FSHR: variants seen among roughly 807,000 people sequenced by gnomAD.
FSHR encodes follicle-stimulating hormone receptor.
In FSHR, 46 loss-of-function variants were observed where a neutral mutation model predicts 52.1. The ratio of observed to expected loss-of-function variants is 0.88; its 90% CI spans 0.70 to 1.13. FSHR has a LOEUF of 1.13. FSHR is among the 50% of genes most tolerant of loss of function. The pLI is 0.00. For synonymous variants in FSHR, 399 were observed against 309.6 expected (o/e 1.29, Z -3.03); for missense variants, 964 against 834.6 (o/e 1.16, Z -1.91).
intron 1 of FSHR, among the ~76,000 whole-genome samples, chr2:49,091,082 A>G (rs1670590550): frequency 6.6e-6 from 1 of 151,710 alleles, no homozygotes; most frequent in Non-Finnish European, 1.5e-5. Flanking sequence ...TTCTCTTGAT[A>G]GTAGCTTACA....
Position 48,968,853 on chromosome 2 carries a change from C to T in FSHR, c.699G>A (p.Leu233=). Residue 233 remains leucine, a synonymous_variant, in exon 9 of 10, where the codon CTG becomes CTA. Coordinates refer to ENST00000406846, the MANE Select transcript of FSHR (RefSeq NM_000145.4). ...LDISRTRIHS[L]PSYGLENLKK... ...TAAGATTTTCTAAGCCATAGCTAGG[C>T]AGGGAATGGATCCTTGTTCTTGAAA... 3 of 1,613,880 alleles carry T rather than the reference C, an allele frequency of 1.9e-6. No individual in the cohort carries two copies. Among genetic ancestry groups the T allele is most frequent in the Non-Finnish European group, 1.7e-6 (2 of 1,179,936 alleles).
intron 2 of FSHR, among the ~76,000 whole-genome samples, chr2:49,055,407 T>A (rs1031584033): frequency 4.6e-5 from 7 of 150,616 alleles, no homozygotes; most frequent in African/African-American, 1.5e-4. Flanking sequence ...AAATAAATAT[T>A]CATATTATAG....
chr2:49,104,153 G>A (rs17772297), intron 1 of FSHR, among the ~76,000 whole-genome samples: 33,907 of 151,990 alleles, frequency 0.22, 3,797 homozygotes, highest in East Asian at 0.29. Flanking sequence ...TAATCTTTGC[G>A]AAATGCTGAC....
intron 8 of FSHR, among the ~76,000 whole-genome samples, chr2:48,982,278 C>G (rs1200701872): frequency 2.0e-5 from 3 of 151,976 alleles, no homozygotes; most frequent in South Asian, 4.2e-4. Flanking sequence ...GGGAAAGTCA[C>G]TTTTGGAGGG....
intron 1 of FSHR, among the ~76,000 whole-genome samples, chr2:49,093,243 T>C (rs57406212): frequency 0.054 from 8,148 of 152,292 alleles, 520 homozygotes; most frequent in East Asian, 0.24. Flanking sequence ...TTCTTCTGTA[T>C]CCTTACTGAC....
intron 1 of FSHR, among the ~76,000 whole-genome samples, chr2:49,123,676 G>T (rs1379152784): frequency 6.6e-6 from 1 of 151,986 alleles, no homozygotes; most frequent in Non-Finnish European, 1.5e-5. Flanking sequence ...TAAAATAAAA[G>T]GAATCATGCC....
intron 1 of FSHR, among the ~76,000 whole-genome samples, chr2:49,144,846 C>G (rs952322843): frequency 5.3e-5 from 8 of 152,068 alleles, no homozygotes; most frequent in South Asian, 4.1e-4. Context: ...ATTTGTTTTT[C>G]TACCCTAAAG....
chr2:49,011,460 G>A (rs560922233), intron 4 of FSHR, among the ~76,000 whole-genome samples: 2 of 152,192 alleles, frequency 1.3e-5, no homozygotes, highest in Admixed American at 6.5e-5. Context: ...TATGTGGTCA[G>A]TTTTGGAATA....
At chr2:49,050,314 G>A (rs1266754039) in intron 2 of FSHR, among the ~76,000 whole-genome samples, 1 of 152,160 alleles carries the variant, frequency 6.6e-6, no homozygotes, top group African/African-American at 2.4e-5. Context: ...CCAGAAATGA[G>A]TTTGCAAGCT....
intron 4 of FSHR, among the ~76,000 whole-genome samples, chr2:49,014,446 C>T (rs1171841416): frequency 2.0e-5 from 3 of 152,014 alleles, no homozygotes; most frequent in Non-Finnish European, 2.9e-5. Flanking sequence ...CAGCCTTTTT[C>T]AGAGGCAAAG....
At chr2:49,127,094 G>C (rs10184020) in intron 1 of FSHR, among the ~76,000 whole-genome samples, 4 of 152,006 alleles carry the variant, frequency 2.6e-5, no homozygotes, top group Admixed American at 6.5e-5. Context: ...TTGGGAGACC[G>C]AGGCTGGTGG....
At chr2:49,149,546 A>G (rs1672986764) in intron 1 of FSHR, among the ~76,000 whole-genome samples, 1 of 152,034 alleles carries the variant, frequency 6.6e-6, no homozygotes, top group Non-Finnish European at 1.5e-5. Flanking sequence ...ACTCTTAGAA[A>G]AGTGGCTCAG....
At position 49,017,572 on chromosome 2, in the gene FSHR, G is replaced by T. The variant is rs543592760; in HGVS notation, c.300-9C>A. The stretch of plus-strand genomic sequence containing the variant: ...TGGCCTTTTCAATTCTACTGTAAAA[G>T]AAGAAAAAACATGCTAGTGATCTTG... On this transcript the variant is annotated splice_polypyrimidine_tract_variant and intron_variant, in intron 3 of 9. Coordinates refer to ENST00000406846, the MANE Select transcript of FSHR (RefSeq NM_000145.4). 3.1e-6 allele frequency: 5 copies of T among 1,607,130 alleles called. No individual in the cohort carries two copies. Among genetic ancestry groups the T allele is most frequent in the African/African-American group, 2.7e-5 (2 of 74,786 alleles).
chr2:48,979,023 A>C (rs137863391), intron 8 of FSHR, among the ~76,000 whole-genome samples: 1 of 152,162 alleles, frequency 6.6e-6, no homozygotes, highest in African/African-American at 2.4e-5. Flanking sequence ...AAGGCTTCCC[A>C]ATTCCCAATA....
intron 6 of FSHR, among the ~76,000 whole-genome samples, chr2:48,983,858 G>A (rs1015568677): frequency 1.1e-4 from 16 of 152,096 alleles, no homozygotes; most frequent in Admixed American, 2.6e-4. Context: ...GTGTAGAACA[G>A]CCATCCTGAT....
intron 1 of FSHR, among the ~76,000 whole-genome samples, chr2:49,117,411 T>C (rs1248842235): frequency 6.6e-6 from 1 of 152,200 alleles, no homozygotes; most frequent in East Asian, 1.9e-4. Context: ...AATAATAGTG[T>C]ACTGATGAAA....
chr2:49,137,040 G>A (rs777318294), intron 1 of FSHR, among the ~76,000 whole-genome samples: 5 of 151,928 alleles, frequency 3.3e-5, no homozygotes, highest in Non-Finnish European at 5.9e-5. Context: ...AGTAATAAAA[G>A]GCATACAGAC....
At chr2:49,119,850 G>C (rs1671745414) in intron 1 of FSHR, among the ~76,000 whole-genome samples, 1 of 152,220 alleles carries the variant, frequency 6.6e-6, no homozygotes, top group African/African-American at 2.4e-5. Context: ...ACCTCAGTTT[G>C]CCCATCTGCA....
intron 1 of FSHR, among the ~76,000 whole-genome samples, chr2:49,068,492 A>G (rs1352031362): frequency 1.3e-5 from 2 of 152,032 alleles, no homozygotes; most frequent in Non-Finnish European, 2.9e-5. Context: ...TTGCATAAGG[A>G]AACTAGAGTT....
Sources: gnomAD v4.1 joint callset for allele counts (sites outside exome capture counted in the v4.1 genomes callset) on GRCh38, gnomAD v4.1.1 for gene constraint, MANE v1.5 for transcripts, NCBI Gene and HGNC (gene_info 2026-07-23, HGNC 2026-07-21) for gene names.